The following MYO1C variants were observed in gnomAD, a reference collection of about 807,000 sequenced individuals.
MYO1C encodes the protein myosin IC, also known as unconventional myosin-Ic.
A neutral mutation model predicts 150.8 loss-of-function variants in MYO1C; 104 were observed. The observed-to-expected ratio is 0.69, with a 90% CI of 0.59 to 0.81. The LOEUF (loss-of-function observed/expected upper bound fraction) is 0.81, where lower values mean the gene tolerates loss of function less well. MYO1C is among the 30% of genes least tolerant of loss of function. MYO1C has a pLI of 0.00. For synonymous variants in MYO1C, 663 were observed against 579.9 expected (o/e 1.14, Z -2.06); for missense variants, 1,504 against 1,435.0 (o/e 1.05, Z -0.78).
intron 14 of MYO1C, among the ~76,000 whole-genome samples, chr17:1,475,873 G>A (rs983611796): frequency 6.6e-6 from 1 of 152,130 alleles, no homozygotes. Context: ...ACCGCTCCAG[G>A]AAGTGTTCTG....
chr17:1,491,698 G>T (rs892641804), intron 1 of MYO1C: 1 of 969,286 alleles, frequency 1.0e-6, no homozygotes, highest in Non-Finnish European at 1.2e-6. Context: ...GGGCCCGCCG[G>T]GGGCCGGGCC....
At position 1,484,095 on chromosome 17, in the gene MYO1C, T is replaced by C. The variant is rs2074598018; in HGVS notation, c.231+53A>G. On this transcript the variant is annotated intron_variant, in intron 2 of 31. Coordinates refer to ENST00000648651, the MANE Select transcript of MYO1C (RefSeq NM_001080779.2). Reference sequence around the variant, plus strand: ...CCCTTGGTGTCTCTTTCCCCTCCGCTTGCCTGTGTCTGTGACCCCAGCACC... The same window carrying C: ...CCCTTGGTGTCTCTTTCCCCTCCGCCTGCCTGTGTCTGTGACCCCAGCACC... 19 of 1,602,704 alleles carry C rather than the reference T, an allele frequency of 1.2e-5. No homozygotes were observed. The South Asian group carries it at 1.9e-4, about 16-fold the overall frequency.
chr17:1,464,332 G>A lies in MYO1C; in HGVS notation c.*1394C>T, dbSNP rs1246252565. 7 of 152,588 alleles carry A rather than the reference G, an allele frequency of 4.6e-5. No individual in the cohort carries two copies. The highest frequency in any genetic ancestry group is 7.2e-5 in the African/African-American group (3 of 41,466). The allele number at this position is 152,588 out of a possible 1,614,324, so 9.5% of individuals were successfully genotyped here. A position where few individuals can be genotyped will look rare whatever the true frequency, so the allele number is the denominator to read the frequency against. ...GCAGGGAGAAGCAGCAGAAGGAGGT[G>A]ATGCCCCTGCCGCTCCTCCCAAGGC... On this transcript the variant is annotated 3_prime_UTR_variant, in exon 32 of 32. Transcript: ENST00000648651.
At chr17:1,490,464 T>C (rs1045404928) in intron 1 of MYO1C, among the ~76,000 whole-genome samples, 1 of 151,990 alleles carries the variant, frequency 6.6e-6, no homozygotes, top group East Asian at 1.9e-4. Context: ...CACCACTGCA[T>C]TCCATCCTGG....
At chr17:1,474,884 TGA>T in intron 15 of MYO1C, 26 bp from the exon 16 acceptor site, 1 of 1,612,898 alleles carries the variant, frequency 6.2e-7, no homozygotes, top group South Asian at 1.1e-5. Flanking sequence ...CGACGTGAGG[TGA>T]GACAGAGCCT....
intron 5 of MYO1C, chr17:1,481,325 A>C (rs2074516054): frequency 4.6e-6 from 1 of 219,608 alleles, no homozygotes; most frequent in Admixed American, 5.2e-5. Context: ...TTAACCTTTA[A>C]AACATCCAGA....
chr17:1,472,346 G>A, intron 17 of MYO1C, 118 bp from the exon 18 acceptor site: 1 of 833,440 alleles, frequency 1.2e-6, no homozygotes, highest in East Asian at 2.7e-5. Flanking sequence ...ATTCTGCCTG[G>A]TCCTTACTCC....
intron 17 of MYO1C, among the ~76,000 whole-genome samples, chr17:1,474,342 C>T (rs927045942): frequency 2.0e-5 from 3 of 150,810 alleles, no homozygotes; most frequent in Non-Finnish European, 2.9e-5. Flanking sequence ...GCAGGAGAAT[C>T]GCTTGAACCA....
chr17:1,480,778 C>G lies in MYO1C; in HGVS notation c.735G>C (p.Glu245Asp). 3 of 1,614,188 alleles carry G rather than the reference C, an allele frequency of 1.9e-6. No homozygotes were observed. The highest frequency in any genetic ancestry group is 8.5e-7 in the Non-Finnish European group (1 of 1,180,028). ...RNFHIFYQLL[E>D]GGEEETLRRL... is the part of the protein sequence containing the mutation. ...TGCGAAGAGTCTCCTCCTCGCCCCC[C>G]TCCAGCAGCTGGTAGAAGATGTGGA... The change falls in exon 6 of 32, where the codon GAG (glutamate) becomes GAC (aspartate). Residue 245 changes from glutamate (E) to aspartate (D), a missense_variant. Physicochemically the swap from Glu to Asp is conservative, Grantham distance 45. Transcript: ENST00000648651.
In MYO1C at chr17:1,467,075, C is replaced by T. The variant is rs1056326695; in HGVS notation, c.3165+167G>A. On this transcript the variant is annotated intron_variant, in intron 31 of 31. Transcript: ENST00000648651. Reference sequence around the variant, plus strand: ...GCTGCCACCTTTACAACTTTCTGCACTGAGGGGCTCTCTCTGGCCCTCATG... The same window carrying T: ...GCTGCCACCTTTACAACTTTCTGCATTGAGGGGCTCTCTCTGGCCCTCATG... Among the ~76,000 whole-genome samples the T allele has an allele frequency of 3.3e-5, 5 of 152,204 alleles. No homozygotes were observed. The South Asian group carries it at 1.0e-3, about 31-fold the overall frequency.
At chr17:1,481,068 A>G (rs886563546) in intron 5 of MYO1C, 183 bp from the exon 6 acceptor site, 19 of 628,576 alleles carry the variant, frequency 3.0e-5, no homozygotes, top group Non-Finnish European at 4.1e-5. Flanking sequence ...CATCTAGGAA[A>G]TGGGGAGATT....
intron 5 of MYO1C, chr17:1,481,348 C>T: frequency 4.7e-6 from 1 of 212,920 alleles, no homozygotes; most frequent in Non-Finnish European, 9.6e-6. Context: ...CCAATCACTG[C>T]TCGCCACTTC....
chr17:1,478,850 A>G lies in MYO1C; in HGVS notation c.1093-115T>C, dbSNP rs1229982134. Reference sequence around the variant, plus strand: ...ACCACTCTGCACTCCCAGCTCCAGCAAGCCTGCAGTATGGGGAGGGGTGCT... The same window carrying G: ...ACCACTCTGCACTCCCAGCTCCAGCGAGCCTGCAGTATGGGGAGGGGTGCT... On this transcript the variant is annotated intron_variant, in intron 9 of 31. Coordinates refer to ENST00000648651, the MANE Select transcript of MYO1C (RefSeq NM_001080779.2). This position sits in a 1 kb window ranked among gnomAD's most constrained non-coding sequence, Gnocchi z 6.3. 6.6e-7 allele frequency: 1 copy of G among 1,522,860 alleles called. No homozygotes were observed. Among genetic ancestry groups the G allele is most frequent in the Non-Finnish European group, 8.9e-7 (1 of 1,124,442 alleles). The allele number at this position is 1,522,860 out of a possible 1,614,324, so 94.3% of individuals were successfully genotyped here.
At chr17:1,480,472 A>AC in intron 7 of MYO1C, 55 bp downstream of exon 7, 1 of 1,408,720 alleles carries the variant, frequency 7.1e-7, no homozygotes, top group Non-Finnish European at 1.0e-6. Flanking sequence ...CAAAAAAAAA[A>AC]GGAGATTTTG....
In MYO1C at chr17:1,471,904, C is replaced by T. The variant is rs1480121175; in HGVS notation, c.2021+3G>A. On this transcript the variant is annotated splice_donor_region_variant and intron_variant, in intron 19 of 31. Coordinates refer to ENST00000648651, the MANE Select transcript of MYO1C (RefSeq NM_001080779.2). ...CCTGGCACCGAGCAGGACCTGCCCC[C>T]ACCTTTGCAGGAAAGCTTCGTATTT... is the stretch of plus-strand genomic sequence containing the variant. The T allele has an allele frequency of 9.3e-6, 15 of 1,613,852 alleles. No individual in the cohort carries two copies. Among genetic ancestry groups the T allele is most frequent in the East Asian group, 2.2e-5 (1 of 44,900 alleles).
At chr17:1,475,263 AC>A (rs1376540244) in intron 14 of MYO1C, among the ~76,000 whole-genome samples, 2 of 152,206 alleles carry the variant, frequency 1.3e-5, no homozygotes, top group Non-Finnish European at 2.9e-5. Context: ...TACCAAAAAT[AC>A]AAAAATTAGC....
intron 19 of MYO1C, among the ~76,000 whole-genome samples, 198 bp from the exon 20 acceptor site, chr17:1,471,534 C>T (rs974792808): frequency 2.0e-5 from 3 of 152,144 alleles, no homozygotes; most frequent in Non-Finnish European, 4.4e-5. Flanking sequence ...TAGAAAGTGG[C>T]AGAGATGAAA....
chr17:1,478,441 T>C lies in MYO1C; in HGVS notation c.1264A>G (p.Ile422Val). 3 of 1,614,136 alleles carry C rather than the reference T, an allele frequency of 1.9e-6. No homozygotes were observed. Among genetic ancestry groups the C allele is most frequent in the Non-Finnish European group, 2.5e-6 (3 of 1,180,028 alleles). ...RSTTVLGLLD[I>V]YGFEVFQHNS... is the part of the protein sequence containing the mutation. ...TGCTGAAACACTTCAAAGCCATAAA[T>C]ATCCAGGAGCCCGAGAACCGTGGTG... The change falls in exon 11 of 32, where the codon ATT becomes GTT. Residue 422 changes from isoleucine (I) to valine (V), a missense_variant. Ile to Val is a conservative substitution (Grantham distance 29, BLOSUM62 3). Coordinates refer to ENST00000648651, the MANE Select transcript of MYO1C (RefSeq NM_001080779.2). This position sits in a 1 kb window ranked among gnomAD's most constrained non-coding sequence, Gnocchi z 6.3.
intron 1 of MYO1C, among the ~76,000 whole-genome samples, chr17:1,486,607 C>T (rs1213467174): frequency 6.6e-6 from 1 of 152,034 alleles, no homozygotes; most frequent in Non-Finnish European, 1.5e-5. Context: ...CCTCTGCCTC[C>T]CGGGTTCTAG....
Sources: allele counts gnomAD v4.1 joint callset (sites outside exome capture counted in the v4.1 genomes callset), GRCh38; gene constraint gnomAD v4.1.1; non-coding constraint Gnocchi (gnomAD v3.1); transcripts MANE v1.5; gene names NCBI Gene and HGNC (gene_info 2026-07-23, HGNC 2026-07-21).